The following GARIN3 variants were observed in gnomAD, a reference collection of about 807,000 sequenced individuals.
GARIN3 encodes Golgi-associated RAB2 interactor protein 3.
chr5:157,163,687 G>T, the GARIN3 span: 11 of 1,590,548 alleles, frequency 6.9e-6, no homozygotes, highest in Middle Eastern at 3.6e-4. Flanking sequence ...AAACAGATGA[G>T]ATTGAGATGA....
At chr5:157,166,090 C>T in the GARIN3 span, 3 of 1,614,152 alleles carry the variant, frequency 1.9e-6, no homozygotes, top group Non-Finnish European at 2.5e-6. Context: ...CGTTGCAGGT[C>T]CCCCATGGAG....
the GARIN3 span, chr5:157,166,090 C>A: frequency 2.4e-5 from 39 of 1,614,150 alleles, no homozygotes; most frequent in South Asian, 1.4e-4. Flanking sequence ...CGTTGCAGGT[C>A]CCCCATGGAG....
chr5:157,164,961 T>C, the GARIN3 span, among the ~76,000 whole-genome samples: 3 of 151,998 alleles, frequency 2.0e-5, no homozygotes, highest in Non-Finnish European at 2.9e-5. Context: ...AGAGGTTGCA[T>C]TGAGCCGAGA....
chr5:157,165,746 G>A, the GARIN3 span: 2 of 1,614,142 alleles, frequency 1.2e-6, no homozygotes, highest in South Asian at 2.2e-5. Flanking sequence ...CGAGTTTCAG[G>A]CGCAGCTGCT....
the GARIN3 span, chr5:157,162,890 C>T: frequency 8.6e-4 from 1,393 of 1,614,118 alleles, 27 homozygotes; most frequent in East Asian, 0.025. Context: ...TGATTCTTGT[C>T]CCCCGCTCTC....
At chr5:157,162,230 C>A in the GARIN3 span, 401 of 659,318 alleles carry the variant, frequency 6.1e-4, 1 homozygote, top group African/African-American at 6.7e-3. Context: ...GCTCTACTTG[C>A]CTGGAGGCTG....
the GARIN3 span, chr5:157,166,175 C>G: frequency 6.2e-7 from 1 of 1,601,214 alleles, no homozygotes. Context: ...TCATGGTTCT[C>G]TTCGTTTAAG....
chr5:157,165,086 G>C, the GARIN3 span, among the ~76,000 whole-genome samples: 7 of 152,120 alleles, frequency 4.6e-5, no homozygotes, highest in African/African-American at 1.7e-4. Flanking sequence ...AGGGTTGGAG[G>C]GGGTGAGGGA....
the GARIN3 span, chr5:157,162,694 G>T: frequency 6.2e-7 from 1 of 1,614,210 alleles, no homozygotes; most frequent in Non-Finnish European, 8.5e-7. Flanking sequence ...TAAAGCTCCT[G>T]TGCTAGATGC....
At chr5:157,163,761 T>A in the GARIN3 span, 1 of 1,450,856 alleles carries the variant, frequency 6.9e-7, no homozygotes, top group African/African-American at 1.4e-5. Context: ...GGGCTTATAA[T>A]TAGAAGAACC....
At chr5:157,164,865 TA>T in the GARIN3 span, among the ~76,000 whole-genome samples, 1 of 151,492 alleles carries the variant, frequency 6.6e-6, no homozygotes, top group Non-Finnish European at 1.5e-5. Flanking sequence ...AAAAAAATTA[TA>T]AAAATTAGTT....
At chr5:157,164,862 T>G in the GARIN3 span, among the ~76,000 whole-genome samples, 2 of 149,150 alleles carry the variant, frequency 1.3e-5, no homozygotes, top group Non-Finnish European at 3.0e-5. Context: ...AAAAAAAAAA[T>G]TATAAAAATT....
At chr5:157,165,389 C>G in the GARIN3 span, among the ~76,000 whole-genome samples, 1 of 152,150 alleles carries the variant, frequency 6.6e-6, no homozygotes, top group African/African-American at 2.4e-5. Context: ...CACAAGCCCT[C>G]CCACCTCCCA....
At chr5:157,163,914 G>T in the GARIN3 span, among the ~76,000 whole-genome samples, 1 of 152,038 alleles carries the variant, frequency 6.6e-6, no homozygotes. Flanking sequence ...AAAATTAGCT[G>T]GACAGGATGG....
the GARIN3 span, among the ~76,000 whole-genome samples, chr5:157,164,299 A>AACCC: frequency 1.3e-5 from 2 of 151,976 alleles, no homozygotes; most frequent in Non-Finnish European, 2.9e-5. Flanking sequence ...ACAGGCGCCC[A>AACCC]CCACCATACC....
At chr5:157,165,456 A>G in the GARIN3 span, 4 of 1,494,758 alleles carry the variant, frequency 2.7e-6, no homozygotes, top group Middle Eastern at 2.5e-4. Context: ...CACATGCAAT[A>G]CTTTTTCCAG....
the GARIN3 span, among the ~76,000 whole-genome samples, chr5:157,164,579 T>G: frequency 6.6e-6 from 1 of 152,192 alleles, no homozygotes; most frequent in Admixed American, 6.5e-5. Context: ...TCCTTGGACA[T>G]TGTATTTTAC....
chr5:157,163,362 G>A, the GARIN3 span: 4 of 1,614,072 alleles, frequency 2.5e-6, no homozygotes, highest in Non-Finnish European at 3.4e-6. Context: ...CTGCAGATTT[G>A]GTTGTTGCTA....
chr5:157,163,548 A>T, the GARIN3 span: 1 of 1,614,130 alleles, frequency 6.2e-7, no homozygotes, highest in Non-Finnish European at 8.5e-7. Context: ...CGTGGGAGGC[A>T]TGTTGGATTC....
Sources: gnomAD v4.1 joint callset for allele counts (sites outside exome capture counted in the v4.1 genomes callset) on GRCh38, gnomAD v4.1.1 for gene constraint, MANE v1.5 for transcripts, NCBI Gene and HGNC (gene_info 2026-07-23, HGNC 2026-07-21) for gene names.